Variants in LAMA2 observed in about 807,000 individuals in gnomAD.
The protein encoded by LAMA2 is laminin subunit alpha 2, also known as laminin subunit alpha-2.
A neutral mutation model predicts 364.8 loss-of-function variants in LAMA2; 269 were observed. The ratio of observed to expected loss-of-function variants is 0.74; its 90% CI spans 0.67 to 0.82. LAMA2 has a LOEUF of 0.82. Among genes scored for constraint, LAMA2 ranks in the 40% least tolerant of loss-of-function variants. The probability of loss-of-function intolerance (pLI) is 0.00; values close to 1 mark genes in which losing one functional copy is unlikely to be tolerated. For missense variants in LAMA2, 3,807 were observed against 3,873.2 expected, an observed-to-expected ratio of 0.98 and a Z score of 0.45; for synonymous variants, 1,379 against 1,370.6, an observed-to-expected ratio of 1.01 and a Z score of -0.14.
intron 27 of LAMA2, among the ~76,000 whole-genome samples, chr6:129,316,979 G>A (rs1039477442): frequency 5.3e-5 from 8 of 152,158 alleles, no homozygotes; most frequent in African/African-American, 1.9e-4. Flanking sequence ...AAAGATGATT[G>A]TTTAATTTGA....
At chr6:129,287,648 A>G (rs908987827) in intron 18 of LAMA2, among the ~76,000 whole-genome samples, 199 bp from the exon 19 acceptor site, 1 of 152,162 alleles carries the variant, frequency 6.6e-6, no homozygotes, top group Non-Finnish European at 1.5e-5. Context: ...AAATCTAATT[A>G]CTAGTGGGCT....
intron 12 of LAMA2, among the ~76,000 whole-genome samples, chr6:129,224,898 A>C (rs1784139236): frequency 6.6e-6 from 1 of 152,206 alleles, no homozygotes; most frequent in African/African-American, 2.4e-5. Flanking sequence ...GAATAGTTTC[A>C]GAAGGAATGG....
chr6:129,048,526 TTCCTTC>T (rs1562187908), intron 1 of LAMA2, among the ~76,000 whole-genome samples: 2 of 48,336 alleles, frequency 4.1e-5, no homozygotes, highest in East Asian at 2.9e-4. Flanking sequence ...CCTTCCTTCC[TTCCTTC>T]CTTCCTTCCT....
At chr6:129,338,441 A>G (rs1397219982) in intron 29 of LAMA2, among the ~76,000 whole-genome samples, 2 of 152,186 alleles carry the variant, frequency 1.3e-5, no homozygotes, top group African/African-American at 4.8e-5. Flanking sequence ...TCATAATGCT[A>G]CTGTTAAATA....
At chr6:129,497,467 G>A (rs1785279461) in intron 58 of LAMA2, among the ~76,000 whole-genome samples, 2 of 151,966 alleles carry the variant, frequency 1.3e-5, no homozygotes, top group African/African-American at 4.8e-5. Flanking sequence ...CGAACTCTTG[G>A]GAAGTGATCC....
At chr6:129,157,887 A>T in intron 8 of LAMA2, 1 of 1,614,234 alleles carries the variant, frequency 6.2e-7, no homozygotes. Context: ...TTCGTCCAGC[A>T]CTTCTGGAGC....
At chr6:129,429,817 G>A (rs577592334) in intron 41 of LAMA2, among the ~76,000 whole-genome samples, 3 of 152,276 alleles carry the variant, frequency 2.0e-5, no homozygotes, top group Admixed American at 1.3e-4. Flanking sequence ...TAATACCAGG[G>A]CCGTGCCCTC....
intron 41 of LAMA2, among the ~76,000 whole-genome samples, chr6:129,431,748 A>G (rs906106952): frequency 3.9e-5 from 6 of 152,222 alleles, no homozygotes; most frequent in African/African-American, 1.4e-4. Flanking sequence ...AGAGAACAGT[A>G]TGAAACATTA....
At chr6:129,300,065 C>G (rs1773454274) in intron 21 of LAMA2, among the ~76,000 whole-genome samples, 1 of 152,042 alleles carries the variant, frequency 6.6e-6, no homozygotes, top group Non-Finnish European at 1.5e-5. Flanking sequence ...TTTTTGCAAT[C>G]TTTGAAAAAG....
intron 11 of LAMA2, among the ~76,000 whole-genome samples, chr6:129,192,048 T>C (rs1271287796): frequency 4.6e-5 from 7 of 152,242 alleles, no homozygotes. Flanking sequence ...ACAGCACTTC[T>C]GACCCTATCT....
intron 1 of LAMA2, among the ~76,000 whole-genome samples, chr6:128,939,985 C>G (rs1034918358): frequency 6.6e-6 from 1 of 152,198 alleles, no homozygotes; most frequent in South Asian, 2.1e-4. Context: ...AAATGTGATG[C>G]AAAAGTTTAC....
At chr6:129,410,998 C>T (rs1780514344) in intron 40 of LAMA2, among the ~76,000 whole-genome samples, 1 of 152,124 alleles carries the variant, frequency 6.6e-6, no homozygotes, top group Admixed American at 6.5e-5. Flanking sequence ...GAAGGAATTC[C>T]TCCTTTCTTT....
At chr6:129,402,730 C>T (rs992279650) in intron 39 of LAMA2, among the ~76,000 whole-genome samples, 6 of 152,106 alleles carry the variant, frequency 3.9e-5, no homozygotes, top group Admixed American at 3.9e-4. Context: ...TGAACATAGC[C>T]CTAGGCTACA....
intron 1 of LAMA2, among the ~76,000 whole-genome samples, chr6:128,962,506 T>C (rs1376494156): frequency 6.6e-6 from 1 of 152,052 alleles, no homozygotes; most frequent in African/African-American, 2.4e-5. Flanking sequence ...AGGATACTTA[T>C]GAGTTGTTCT....
chr6:129,242,573 G>T (rs544839033), intron 12 of LAMA2, among the ~76,000 whole-genome samples: 3 of 152,108 alleles, frequency 2.0e-5, no homozygotes, highest in African/African-American at 2.4e-5. Context: ...ATAACTTATG[G>T]TTTATTTGAT....
At chr6:129,330,375 C>A (rs1775558021) in intron 29 of LAMA2, among the ~76,000 whole-genome samples, 1 of 151,688 alleles carries the variant, frequency 6.6e-6, no homozygotes, top group South Asian at 2.1e-4. Flanking sequence ...CTATGTGCCC[C>A]CTCTCCATCT....
chr6:129,312,802 A>G (rs1774310339), intron 22 of LAMA2, 59 bp from the exon 23 acceptor site: 7 of 1,183,636 alleles, frequency 5.9e-6, no homozygotes, highest in Non-Finnish European at 8.8e-6. Flanking sequence ...TAGAATTAAA[A>G]TTTTAAGATA....
In LAMA2 at chr6:129,316,140, G is replaced by A; in HGVS notation, c.4027G>A (p.Ala1343Thr). Residue 1343 changes from alanine to threonine, a missense_variant, in exon 27 of 65, where the codon GCT becomes ACT. Coordinates refer to ENST00000421865, the MANE Select transcript of LAMA2 (RefSeq NM_000426.4). The part of the protein sequence containing the change: ...LYDIHYILIK[A>T]TYGNFMRQSR... ...TGATATTCATTACATTCTTATCAAA[G>A]CTACTTATGGAAATTTCATGCGACA... The A allele has an allele frequency of 6.2e-7, 1 of 1,608,534 alleles. No homozygotes were observed. Among genetic ancestry groups the A allele is most frequent in the Non-Finnish European group, 8.5e-7 (1 of 1,175,800 alleles).
At chr6:129,277,175 G>A (rs1259646976) in intron 17 of LAMA2, among the ~76,000 whole-genome samples, 3 of 152,074 alleles carry the variant, frequency 2.0e-5, no homozygotes, top group Admixed American at 2.0e-4. Flanking sequence ...ATTTTCTGCT[G>A]GTGTGGAGCT....
Sources: gnomAD v4.1 joint callset for allele counts (sites outside exome capture counted in the v4.1 genomes callset) on GRCh38, gnomAD v4.1.1 for gene constraint, MANE v1.5 for transcripts, NCBI Gene and HGNC (gene_info 2026-07-23, HGNC 2026-07-21) for gene names.